The following ASAP2 variants were observed in gnomAD, a reference collection of about 807,000 sequenced individuals.
ASAP2 encodes ArfGAP with SH3 domain, ankyrin repeat and PH domain 2.
ASAP2 carries 45 observed loss-of-function variants against 131.4 expected under a neutral mutation model. The observed-to-expected ratio is 0.34, with a 90% confidence interval of 0.27 to 0.44. The LOEUF is 0.44. Among genes scored for constraint, ASAP2 ranks in the 20% least tolerant of loss-of-function variants. The pLI, the probability that ASAP2 is intolerant of heterozygous loss-of-function variation, is 1.00. For synonymous variants in ASAP2, 510 were observed against 503.0 expected, an observed-to-expected ratio of 1.01 and a Z score of -0.19; for missense variants, 1,011 against 1,297.0, an observed-to-expected ratio of 0.78 and a Z score of 3.39.
At chr2:9,249,335 C>T (rs1433016561) in intron 1 of ASAP2, among the ~76,000 whole-genome samples, 1 of 152,218 alleles carries the variant, frequency 6.6e-6, no homozygotes, top group Non-Finnish European at 1.5e-5. Context: ...ATTCTGCCCT[C>T]ACGTCTCTAG....
At chr2:9,236,734 GT>G (rs1271100634) in intron 1 of ASAP2, among the ~76,000 whole-genome samples, 1 of 151,980 alleles carries the variant, frequency 6.6e-6, no homozygotes, top group East Asian at 1.9e-4. Context: ...TTACTTTTTT[GT>G]TTTTTAAAGA....
intron 3 of ASAP2, among the ~76,000 whole-genome samples, chr2:9,299,049 A>G (rs980423706): frequency 4.6e-5 from 7 of 152,214 alleles, no homozygotes; most frequent in African/African-American, 1.7e-4. Flanking sequence ...AGTGGGAAAT[A>G]GATAAAAGAC....
At chr2:9,343,219 A>G (rs1671709487) in intron 9 of ASAP2, among the ~76,000 whole-genome samples, 1 of 152,062 alleles carries the variant, frequency 6.6e-6, no homozygotes, top group Non-Finnish European at 1.5e-5. Flanking sequence ...GGAGCAAACC[A>G]CTTATTTTCA....
At position 9,344,601 on chromosome 2, in the gene ASAP2, G is replaced by C; in HGVS notation, c.919G>C (p.Glu307Gln). The C allele has an allele frequency of 6.2e-7, 1 of 1,614,174 alleles. No individual in the cohort carries two copies. Among genetic ancestry groups the C allele is most frequent in the Non-Finnish European group, 8.5e-7 (1 of 1,180,020 alleles). Residue 307 changes from glutamate (E) to glutamine (Q), a missense_variant, in exon 10 of 28, where the codon GAG (glutamate) becomes CAG (glutamine). This residue lies in a region of ASAP2 where 359 missense variants were observed against 598.1 expected (regional missense o/e 0.60). Coordinates refer to ENST00000281419, the MANE Select transcript of ASAP2 (RefSeq NM_003887.3). ...TCAGGGAAACAAGGAACATGGGACC[G>C]AGCGGAACGGCAGCCTCTACAAGAA... ...QPQGNKEHGT[E>Q]RNGSLYKKSD...
Position 9,385,299 on chromosome 2 carries a change from T to C in ASAP2, c.2071T>C (p.Trp691Arg). The C allele has an allele frequency of 6.2e-7, 1 of 1,614,254 alleles. No homozygotes were observed. The highest frequency in any genetic ancestry group is 8.5e-7 in the Non-Finnish European group (1 of 1,180,040). The part of the protein sequence containing the change: ...FNSHVHVEYE[W>R]RLLHEDLDES... ...TTCTCACGTTCACGTTGAATATGAA[T>C]GGCGACTACTCCACGAAGACCTGGA... The change falls in exon 21 of 28, where the codon TGG becomes CGG. Residue 691 changes from tryptophan (W) to arginine (R), a missense_variant. Coordinates refer to ENST00000281419, the MANE Select transcript of ASAP2 (RefSeq NM_003887.3).
chr2:9,271,143 T>TA lies in ASAP2; in HGVS notation c.127-8173dup, dbSNP rs1459193569. 8.2e-6 allele frequency: 4 copies of TA among 490,562 alleles called. No homozygotes were observed. In the East Asian group the frequency reaches 1.2e-4, roughly 15 times the overall value. 30.4% of individuals were successfully genotyped at this position (490,562 alleles called of 1,614,324 possible). A position where few individuals can be genotyped will look rare whatever the true frequency, so the allele number is the denominator to read the frequency against. On this transcript the variant is annotated intron_variant, in intron 1 of 27. Coordinates refer to ENST00000281419, the MANE Select transcript of ASAP2 (RefSeq NM_003887.3). ...TTTTCAGTTTATTTCATGAAGGAGT[T>TA]ACACTAGTCCAAGTTAAAAGCGGAC...
chr2:9,269,542 G>T (rs1302165450), intron 1 of ASAP2, among the ~76,000 whole-genome samples: 2 of 152,188 alleles, frequency 1.3e-5, no homozygotes, highest in Non-Finnish European at 2.9e-5. Context: ...GGAGGAGGGT[G>T]GCCATGGGGT....
rs146655894 is a variant in ASAP2 at position 9,371,167 on chromosome 2, T to C, written c.1556+2648T>C. Among the ~76,000 whole-genome samples the C allele has an allele frequency of 3.0e-4, 45 of 152,228 alleles. No homozygotes were observed. In the East Asian group the frequency reaches 8.7e-3, roughly 29 times the overall value. On this transcript the variant is annotated intron_variant, in intron 16 of 27. Coordinates refer to ENST00000281419, the MANE Select transcript of ASAP2 (RefSeq NM_003887.3). ...GCCTTGGCACTGTTGAAAAAGAAAT[T>C]TACATCCCCCAACCCCGGGCTTTTT... is the stretch of plus-strand genomic sequence containing the variant.
At chr2:9,334,201 G>GTTTTTTTTTTTTTT (rs111579113) in intron 7 of ASAP2, among the ~76,000 whole-genome samples, 2 of 129,490 alleles carry the variant, frequency 1.5e-5, no homozygotes, top group Non-Finnish European at 3.2e-5. Flanking sequence ...TTTTGTATTT[G>GTTTTTTTTTTTTTT]TTTTTTTTTT....
chr2:9,390,606 A>G (rs138235416), intron 22 of ASAP2, among the ~76,000 whole-genome samples: 1 of 152,054 alleles, frequency 6.6e-6, no homozygotes, highest in Non-Finnish European at 1.5e-5. Flanking sequence ...TCTGATTTGC[A>G]CTCTGCCCCC....
chr2:9,385,652 G>A (rs1363035605), intron 21 of ASAP2, among the ~76,000 whole-genome samples: 1 of 152,162 alleles, frequency 6.6e-6, no homozygotes. Context: ...TGGATTTAGA[G>A]GAAGGTCTCT....
At chr2:9,215,459 AATAAAG>A (rs1661953284) in intron 1 of ASAP2, among the ~76,000 whole-genome samples, 1 of 152,230 alleles carries the variant, frequency 6.6e-6, no homozygotes, top group African/African-American at 2.4e-5. Flanking sequence ...AGATATTTCT[AATAAAG>A]ATAATGTAAT....
At chr2:9,339,034 C>G (rs1671409655) in intron 9 of ASAP2, among the ~76,000 whole-genome samples, 1 of 152,136 alleles carries the variant, frequency 6.6e-6, no homozygotes, top group Non-Finnish European at 1.5e-5. Context: ...AAAAAATTGG[C>G]CAGTTGTAGT....
At chr2:9,377,015 G>C in intron 18 of ASAP2, 22 bp downstream of exon 18, 1 of 1,595,794 alleles carries the variant, frequency 6.3e-7, no homozygotes, top group Non-Finnish European at 8.6e-7. Context: ...GAAATTAAGG[G>C]AGGCACTCGT....
intron 1 of ASAP2, among the ~76,000 whole-genome samples, chr2:9,248,710 A>G (rs764081688): frequency 6.6e-6 from 1 of 152,004 alleles, no homozygotes; most frequent in African/African-American, 2.4e-5. Flanking sequence ...TTTCACTCCT[A>G]TCTACCAGCC....
intron 15 of ASAP2, among the ~76,000 whole-genome samples, chr2:9,365,031 A>G (rs1373818211): frequency 6.6e-6 from 1 of 152,186 alleles, no homozygotes; most frequent in Non-Finnish European, 1.5e-5. Context: ...CACAAAGTCT[A>G]TCAGAAAAAA....
chr2:9,393,408 A>G, intron 23 of ASAP2, 74 bp from the exon 24 acceptor site: 3 of 1,311,826 alleles, frequency 2.3e-6, no homozygotes, highest in Non-Finnish European at 3.1e-6. Context: ...CTTCTCAGAA[A>G]AGCCTCCAGT....
intron 15 of ASAP2, among the ~76,000 whole-genome samples, chr2:9,365,023 CAA>C (rs1349909318): frequency 6.6e-6 from 1 of 152,116 alleles, no homozygotes; most frequent in African/African-American, 2.4e-5. Context: ...TTTTAAACCA[CAA>C]AGTCTATCAG....
chr2:9,397,798 G>A (rs1186711743), intron 24 of ASAP2, among the ~76,000 whole-genome samples: 2 of 111,718 alleles, frequency 1.8e-5, no homozygotes, highest in Non-Finnish European at 3.3e-5. Flanking sequence ...TCGCTCTGTC[G>A]CCCAGGCTGG....
Sources: allele counts gnomAD v4.1 joint callset (sites outside exome capture counted in the v4.1 genomes callset), GRCh38; gene constraint gnomAD v4.1.1; regional missense constraint gnomAD v4.1.1; transcripts MANE v1.5; gene names NCBI Gene and HGNC (gene_info 2026-07-23, HGNC 2026-07-21).